Variants in ADAMTS18 observed in about 807,000 individuals in gnomAD.
ADAMTS18 encodes the protein ADAM metallopeptidase with thrombospondin type 1 motif 18, also known as A disintegrin and metalloproteinase with thrombospondin motifs 18.
In ADAMTS18, 157 loss-of-function variants were observed where a neutral mutation model predicts 165.9. The ratio of observed to expected loss-of-function variants is 0.95; its 90% CI spans 0.83 to 1.08. The LOEUF (loss-of-function observed/expected upper bound fraction) is 1.08, where lower values mean the gene tolerates loss of function less well. ADAMTS18 is among the 50% of genes least tolerant of loss of function. The pLI is 0.00. For synonymous variants in ADAMTS18, 782 were observed against 578.2 expected (o/e 1.35, Z -5.06); for missense variants, 2,040 against 1,534.0 (o/e 1.33, Z -5.51).
At chr16:77,361,094 T>TA (rs35200412) in intron 7 of ADAMTS18, among the ~76,000 whole-genome samples, 94 of 151,736 alleles carry the variant, frequency 6.2e-4, no homozygotes, top group Non-Finnish European at 1.1e-3. Context: ...CTCAAAAAAA[T>TA]AAAAAAAATT....
At chr16:77,330,372 C>T (rs931643337) in intron 12 of ADAMTS18, among the ~76,000 whole-genome samples, 1 of 152,036 alleles carries the variant, frequency 6.6e-6, no homozygotes, top group African/African-American at 2.4e-5. Context: ...AAACAAGGAA[C>T]CAGAAAAAAT....
chr16:77,301,338 G>A (rs2055578991), intron 16 of ADAMTS18, among the ~76,000 whole-genome samples: 1 of 151,158 alleles, frequency 6.6e-6, no homozygotes, highest in South Asian at 2.1e-4. Context: ...ACTAGGGACT[G>A]AGCTTAAGTA....
chr16:77,320,972 G>A (rs2055986507), intron 15 of ADAMTS18, 107 bp downstream of exon 15: 11 of 1,347,436 alleles, frequency 8.2e-6, no homozygotes, highest in African/African-American at 1.4e-5. Flanking sequence ...CATCACTAGT[G>A]TGTCCAGTGA....
chr16:77,395,708 C>T (rs11149983), intron 3 of ADAMTS18, among the ~76,000 whole-genome samples: 20,587 of 151,966 alleles, frequency 0.14, 1,778 homozygotes, highest in Middle Eastern at 0.22. Flanking sequence ...AAAAGTCAAT[C>T]ATTTTATCTC....
At chr16:77,397,670 A>C (rs1473715068) in intron 3 of ADAMTS18, among the ~76,000 whole-genome samples, 1 of 152,266 alleles carries the variant, frequency 6.6e-6, no homozygotes, top group African/African-American at 2.4e-5. Context: ...GGATGATTGC[A>C]AACTGGTAGC....
chr16:77,295,572 G>A (rs566265353), intron 18 of ADAMTS18, among the ~76,000 whole-genome samples: 13 of 152,288 alleles, frequency 8.5e-5, no homozygotes, highest in African/African-American at 2.6e-4. Context: ...TGCAATGGAA[G>A]TCAACATAAA....
At chr16:77,386,038 G>C (rs958392620) in intron 3 of ADAMTS18, among the ~76,000 whole-genome samples, 20 of 152,192 alleles carry the variant, frequency 1.3e-4, no homozygotes, top group Non-Finnish European at 4.4e-5. Context: ...CTATCTATTT[G>C]ATGAAGTGAT....
chr16:77,383,727 G>A (rs1597205967), intron 3 of ADAMTS18, among the ~76,000 whole-genome samples: 2 of 152,124 alleles, frequency 1.3e-5, no homozygotes, highest in Admixed American at 6.5e-5. Context: ...GACTTTAGTA[G>A]AGATGGGGTT....
At position 77,434,865 on chromosome 16, in the gene ADAMTS18, G is replaced by A. The variant is rs920512701; in HGVS notation, c.-170C>T. 2 of 482,954 alleles carry A rather than the reference G, an allele frequency of 4.1e-6. No individual in the cohort carries two copies. The highest frequency in any genetic ancestry group is 6.6e-6 in the Non-Finnish European group (2 of 302,860). The allele number at this position is 482,954 out of a possible 1,614,324, so 29.9% of individuals were successfully genotyped here. A position where few individuals can be genotyped will look rare whatever the true frequency, so the allele number is the denominator to read the frequency against. ...GGCGCGCTGGGACCTCCCCTCCTCC[G>A]GCCGCCTGCGCGCCCTCCCTTCTCC... is the stretch of plus-strand genomic sequence containing the variant. On this transcript the variant is annotated 5_prime_UTR_variant, in exon 1 of 23. Transcript: ENST00000282849.
chr16:77,314,736 A>G (rs1427227511), intron 16 of ADAMTS18, among the ~76,000 whole-genome samples: 1 of 100,728 alleles, frequency 9.9e-6, no homozygotes, highest in African/African-American at 3.9e-5. Flanking sequence ...CAGTTTGCTA[A>G]ATATGGTCTC....
rs191725293 is a variant in ADAMTS18 at position 77,408,517 on chromosome 16, C to T, written c.495+22778G>A. Among the ~76,000 whole-genome samples the T allele has an allele frequency of 7.6e-4, 116 of 152,110 alleles. 1 individual carries two copies. The highest frequency in any genetic ancestry group is 2.5e-3 in the African/African-American group (103 of 41,512). ...CATGAGGTGAGATACTTTGAAGAAA[C>T]GAGAATAAACTACAGCTACATATAA... On this transcript the variant is annotated intron_variant, in intron 3 of 22. Transcript: ENST00000282849.
chr16:77,411,951 GCAC>G (rs1263242592), intron 3 of ADAMTS18, among the ~76,000 whole-genome samples: 1 of 151,890 alleles, frequency 6.6e-6, no homozygotes, highest in East Asian at 1.9e-4. Flanking sequence ...CCTCCCAAAA[GCAC>G]TGGGATTACA....
chr16:77,336,022 CTGATACCT>C (rs2056305194), intron 11 of ADAMTS18, 118 bp from the exon 12 acceptor site: 1 of 1,212,834 alleles, frequency 8.2e-7, no homozygotes, highest in Admixed American at 1.7e-5. Flanking sequence ...AGGAAAATGC[CTGATACCT>C]TGATAAATTC....
At chr16:77,346,949 CT>C (rs2056486133) in intron 10 of ADAMTS18, among the ~76,000 whole-genome samples, 1 of 152,208 alleles carries the variant, frequency 6.6e-6, no homozygotes, top group South Asian at 2.1e-4. Context: ...AAAAGTTCCC[CT>C]GTCCCCTTTT....
At chr16:77,434,371 A>G in intron 2 of ADAMTS18, 47 bp downstream of exon 2, 1 of 1,538,664 alleles carries the variant, frequency 6.5e-7, no homozygotes, top group Non-Finnish European at 8.7e-7. Context: ...AGGAAGGGTC[A>G]AAGTGCTGCG....
chr16:77,289,179 T>C, intron 22 of ADAMTS18, 85 bp downstream of exon 22: 2 of 1,539,734 alleles, frequency 1.3e-6, no homozygotes, highest in Non-Finnish European at 9.0e-7. Context: ...TTGTACAATG[T>C]CACAGGCTGC....
At position 77,364,249 on chromosome 16, in the gene ADAMTS18, T is replaced by G; in HGVS notation, c.911A>C (p.Lys304Thr). The G allele has an allele frequency of 6.2e-7, 1 of 1,614,046 alleles. No homozygotes were observed. Among genetic ancestry groups the G allele is most frequent in the East Asian group, 2.2e-5 (1 of 44,868 alleles). The change falls in exon 5 of 23, where the codon AAA (lysine) becomes ACA (threonine). Residue 304 changes from lysine (K) to threonine (T), a missense_variant. Lys to Thr is a moderately conservative substitution (Grantham distance 78). Coordinates refer to ENST00000282849, the MANE Select transcript of ADAMTS18 (RefSeq NM_199355.4). ...TCCCTTGCCATGCTTTTCCACCATT[T>G]TCTTGTCTGCCACCACGAGGGTTTC... ...NVETLVVADK[K>T]MVEKHGKGNV...
chr16:77,417,652 T>A (rs754745836), intron 3 of ADAMTS18, among the ~76,000 whole-genome samples: 3 of 152,190 alleles, frequency 2.0e-5, no homozygotes, highest in Non-Finnish European at 4.4e-5. Context: ...TTAAAAGAAC[T>A]AAAGTGTAAG....
intron 3 of ADAMTS18, among the ~76,000 whole-genome samples, chr16:77,388,499 G>C (rs2057140677): frequency 6.6e-6 from 1 of 152,168 alleles, no homozygotes; most frequent in African/African-American, 2.4e-5. Context: ...CAAATGTGTG[G>C]GTTCAAATTC....
Sources: gnomAD v4.1 joint callset for allele counts (sites outside exome capture counted in the v4.1 genomes callset) on GRCh38, gnomAD v4.1.1 for gene constraint, MANE v1.5 for transcripts, NCBI Gene and HGNC (gene_info 2026-07-23, HGNC 2026-07-21) for gene names.